PRPF3: variants seen among roughly 807,000 people sequenced by gnomAD.
PRPF3 encodes the protein U4/U6 small nuclear ribonucleoprotein Prp3.
In PRPF3, 3 loss-of-function variants were observed where a neutral mutation model predicts 89.2. That is an observed-to-expected ratio of 0.03 (90% CI 0.02 to 0.09). The LOEUF is 0.09. PRPF3 is among the 10% of genes least tolerant of loss of function. The pLI, the probability that PRPF3 is intolerant of heterozygous loss-of-function variation, is 1.00. For missense variants in PRPF3, 463 were observed against 828.8 expected (o/e 0.56, Z 5.42); for synonymous variants, 270 against 289.1 (o/e 0.93, Z 0.67).
intron 7 of PRPF3, among the ~76,000 whole-genome samples, chr1:150,335,879 C>T (rs1303292094): frequency 4.6e-5 from 7 of 151,768 alleles, no homozygotes; most frequent in Admixed American, 4.6e-4. Context: ...AGCAATTCTC[C>T]TGCCTCAGCC....
chr1:150,349,196 A>G lies in PRPF3; in HGVS notation c.1883A>G (p.Asn628Ser), dbSNP rs782767887. 4 of 1,613,680 alleles carry G rather than the reference A, an allele frequency of 2.5e-6. No homozygotes were observed. Among genetic ancestry groups the G allele is most frequent in the East Asian group, 4.5e-5 (2 of 44,858 alleles). Residue 628 changes from asparagine to serine, a missense_variant, in exon 15 of 16, where the codon AAC becomes AGC. Physicochemically the swap from Asn to Ser is conservative, Grantham distance 46. Coordinates refer to ENST00000324862, the MANE Select transcript of PRPF3 (RefSeq NM_004698.4). ...GATGAGGAAGCTGTGAAGAAAACCAACAAATGTGTACTAGTCTGGGAGGTA... is the reference window on the plus strand; with the variant it reads ...GATGAGGAAGCTGTGAAGAAAACCAGCAAATGTGTACTAGTCTGGGAGGTA... ...ESDEEAVKKT[N>S]KCVLVWEGTA...
chr1:150,330,944 C>G (rs1404332422), intron 4 of PRPF3, among the ~76,000 whole-genome samples: 2 of 151,884 alleles, frequency 1.3e-5, no homozygotes, highest in East Asian at 3.9e-4. Context: ...GTCTCGAACT[C>G]CTGACCTCGT....
intron 1 of PRPF3, among the ~76,000 whole-genome samples, chr1:150,322,892 C>T (rs1467872172): frequency 1.3e-5 from 2 of 150,484 alleles, no homozygotes; most frequent in Admixed American, 1.3e-4. Context: ...TTTTTTTCCC[C>T]GGGACGGAGT....
chr1:150,353,102 G>A lies in PRPF3; in HGVS notation c.*123G>A. Reference sequence around the variant, plus strand: ...TCAGAACTGTGCCAAGCAGACACTGGGACAAAGGGAGAATATCTTGCTCCC... The same window carrying A: ...TCAGAACTGTGCCAAGCAGACACTGAGACAAAGGGAGAATATCTTGCTCCC... On this transcript the variant is annotated 3_prime_UTR_variant, in exon 16 of 16. Transcript: ENST00000324862. 2 of 1,315,996 alleles carry A rather than the reference G, an allele frequency of 1.5e-6. No individual in the cohort carries two copies. Among genetic ancestry groups the A allele is most frequent in the Admixed American group, 1.7e-5 (1 of 58,844 alleles). The allele number at this position is 1,315,996 out of a possible 1,614,324, so 81.5% of individuals were successfully genotyped here.
chr1:150,352,667 A>G (rs1291620016), intron 15 of PRPF3, among the ~76,000 whole-genome samples, 166 bp from the exon 16 acceptor site: 1 of 152,208 alleles, frequency 6.6e-6, no homozygotes, highest in African/African-American at 2.4e-5. Context: ...TCTGTCTCAG[A>G]AAAACACAAA....
chr1:150,325,952 G>C lies in PRPF3; in HGVS notation c.276+71G>C, dbSNP rs1420662308. ...GGTAACAGAGTTGCTGAGCTTACCAGTTCACACGTTGATATCCTCTATTTA... is the reference window on the plus strand; with the variant it reads ...GGTAACAGAGTTGCTGAGCTTACCACTTCACACGTTGATATCCTCTATTTA... On this transcript the variant is annotated intron_variant, in intron 3 of 15. Transcript: ENST00000324862. 3.2e-5 allele frequency: 50 copies of C among 1,565,150 alleles called. 2 individuals are homozygous for C. In the South Asian group the frequency reaches 4.4e-4, roughly 14 times the overall value.
rs587607551 is a variant in PRPF3 at position 150,344,143 on chromosome 1, T to C, written c.1427-19T>C. The C allele has an allele frequency of 1.4e-5, 22 of 1,603,262 alleles. No individual in the cohort carries two copies. In the South Asian group the frequency reaches 2.0e-4, roughly 14 times the overall value. ...AGAAGTGACTTCAAAGACTGATTGT[T>C]GTCCTCTCTTCACTGCAGTGAGAAT... is the stretch of plus-strand genomic sequence containing the variant. On this transcript the variant is annotated intron_variant, in intron 10 of 15. Transcript: ENST00000324862.
At chr1:150,337,366 GC>G (rs1657135709) in intron 7 of PRPF3, among the ~76,000 whole-genome samples, 1 of 151,990 alleles carries the variant, frequency 6.6e-6, no homozygotes, top group South Asian at 2.1e-4. Context: ...CGTATTTACT[GC>G]AGGCATATAC....
At chr1:150,338,468 G>GAGAA in intron 8 of PRPF3, 142 bp downstream of exon 8, 1 of 774,846 alleles carries the variant, frequency 1.3e-6, no homozygotes, top group Non-Finnish European at 2.1e-6. Flanking sequence ...AAATCCAAGA[G>GAGAA]AGATAAGTAA....
intron 4 of PRPF3, among the ~76,000 whole-genome samples, chr1:150,330,755 C>T (rs587726726): frequency 1.7e-4 from 25 of 147,188 alleles, no homozygotes; most frequent in East Asian, 6.0e-4. Flanking sequence ...CTCACTCTGT[C>T]GCCCAGAGTG....
intron 14 of PRPF3, chr1:150,348,755 G>C: frequency 3.9e-6 from 1 of 253,766 alleles, no homozygotes; most frequent in South Asian, 4.7e-5. Flanking sequence ...GAGCCACCAC[G>C]CTGGCCGATA....
At chr1:150,325,274 ATG>A (rs1221835871) in intron 2 of PRPF3, among the ~76,000 whole-genome samples, 187 bp downstream of exon 2, 3 of 152,172 alleles carry the variant, frequency 2.0e-5, no homozygotes, top group Non-Finnish European at 4.4e-5. Flanking sequence ...CTTATTTTTT[ATG>A]TTATTTATGA....
In PRPF3 at chr1:150,346,152, T is replaced by G. The variant is rs1553872891; in HGVS notation, c.1759+16T>G. On this transcript the variant is annotated intron_variant, in intron 13 of 15. Transcript: ENST00000324862. ...GTGGAAGGGGGTGAGTCTGAAAAAC[T>G]TGAGGGAGACTGTCCCCAGACAACC... 6.2e-7 allele frequency: 1 copy of G among 1,602,640 alleles called. No homozygotes were observed. Among genetic ancestry groups the G allele is most frequent in the Non-Finnish European group, 8.6e-7 (1 of 1,169,572 alleles).
Position 150,331,813 on chromosome 1 carries a change from A to T in PRPF3, c.424-871A>T, listed in dbSNP as rs587727488. On this transcript the variant is annotated intron_variant, in intron 4 of 15. Coordinates refer to ENST00000324862, the MANE Select transcript of PRPF3 (RefSeq NM_004698.4). ...TTTGGCCATACCCTCAAAGCTTATC[A>T]TTCTGAACTTCTTTAGGACAGAAGG... Among the ~76,000 whole-genome samples the T allele has an allele frequency of 2.0e-3, 312 of 152,330 alleles. 4 individuals carry two copies. In the South Asian group the frequency reaches 0.03, roughly 15 times the overall value.
intron 3 of PRPF3, among the ~76,000 whole-genome samples, chr1:150,327,144 T>A (rs1553864010): frequency 6.6e-6 from 1 of 151,360 alleles, no homozygotes; most frequent in East Asian, 1.9e-4. Context: ...CTTGACTCAC[T>A]GCAACTTCCA....
At chr1:150,348,838 A>G (rs1265039016) in intron 14 of PRPF3, 11 of 355,028 alleles carry the variant, frequency 3.1e-5, no homozygotes, top group African/African-American at 1.7e-4. Flanking sequence ...TGATGTTGAC[A>G]TATGAAGCCT....
chr1:150,344,918 T>G (rs1372182689), intron 12 of PRPF3, among the ~76,000 whole-genome samples: 4 of 151,956 alleles, frequency 2.6e-5, no homozygotes, highest in Admixed American at 1.3e-4. Flanking sequence ...CTGAGTTTGC[T>G]TCCAACATCC....
chr1:150,349,881 T>TGGGGGGCG (rs1553873911), intron 15 of PRPF3, among the ~76,000 whole-genome samples: 11 of 10,164 alleles, frequency 1.1e-3, no homozygotes, highest in East Asian at 1.9e-3. Context: ...ATATCTTTTT[T>TGGGGGGCG]TGGGGGCGGG....
intron 4 of PRPF3, among the ~76,000 whole-genome samples, chr1:150,332,286 A>G (rs1367175232): frequency 6.6e-6 from 1 of 151,982 alleles, no homozygotes; most frequent in Non-Finnish European, 1.5e-5. Flanking sequence ...TGCATGCATT[A>G]TTTAAGTGGT....
Sources: allele counts gnomAD v4.1 joint callset (sites outside exome capture counted in the v4.1 genomes callset), GRCh38; gene constraint gnomAD v4.1.1; transcripts MANE v1.5; gene names NCBI Gene and HGNC (gene_info 2026-07-23, HGNC 2026-07-21).